DEDD2: variants seen among roughly 807,000 people sequenced by gnomAD.
DEDD2 encodes death effector domain containing 2, also known as DNA-binding death effector domain-containing protein 2.
Under a neutral mutation model 28.9 loss-of-function variants are expected in DEDD2, and 18 were observed. That is an observed-to-expected ratio of 0.62 (90% CI 0.43 to 0.92). The LOEUF (loss-of-function observed/expected upper bound fraction) is 0.92. DEDD2 is among the 40% of genes least tolerant of loss of function. DEDD2 has a pLI of 0.00. For synonymous variants in DEDD2, 211 were observed against 206.1 expected, an observed-to-expected ratio of 1.02 and a Z score of -0.20; for missense variants, 411 against 463.3, an observed-to-expected ratio of 0.89 and a Z score of 1.04.
At chr19:42,205,983 G>A (rs893087612) in intron 4 of DEDD2, among the ~76,000 whole-genome samples, 1 of 152,032 alleles carries the variant, frequency 6.6e-6, no homozygotes, top group Admixed American at 6.6e-5. Context: ...TACTCAGGAG[G>A]CTGAGGTTGG....
chr19:42,217,120 C>A, intron 1 of DEDD2, 75 bp from the exon 2 acceptor site: 2 of 1,188,490 alleles, frequency 1.7e-6, no homozygotes, highest in Non-Finnish European at 2.4e-6. Flanking sequence ...CAGCGCGTCT[C>A]CCCCGCCCAA....
In DEDD2 at chr19:42,215,219, C is replaced by T. The variant is rs1314134947; in HGVS notation, c.362G>A (p.Ser121Asn). The T allele has an allele frequency of 6.2e-7, 1 of 1,614,118 alleles. No individual in the cohort carries two copies. Among genetic ancestry groups the T allele is most frequent in the African/African-American group, 1.3e-5 (1 of 75,012 alleles). ...GCTACCCTCTGTCCTCTTTGAAGAG[C>T]TGGAGGTGCCATAGCTATAGCGTTC... ...SPERYSYGTS[S>N]SSKRTEGSCR... The change falls in exon 3 of 5, where the codon AGC becomes AAC. Residue 121 changes from serine (S) to asparagine (N), a missense_variant. Ser to Asn is a conservative substitution (Grantham distance 46). Around this residue, in one of 2 missense-constraint regions of DEDD2, gnomAD observed 282 missense variants for 273.4 expected, o/e 1.03. Transcript: ENST00000596251.
upstream of DEDD2, among the ~76,000 whole-genome samples, chr19:42,219,561 C>CACTGCACTCCAGTCTGGGCG (rs1448648549): frequency 6.6e-6 from 1 of 152,254 alleles, no homozygotes; most frequent in East Asian, 1.9e-4. Flanking sequence ...AAGATCGTGC[C>CACTGCACTCCAGTCTGGGCG]ACTGCACTCC....
chr19:42,206,638 T>C (rs2035545690), intron 4 of DEDD2, among the ~76,000 whole-genome samples: 1 of 152,146 alleles, frequency 6.6e-6, no homozygotes, highest in Non-Finnish European at 1.5e-5. Flanking sequence ...CCACAGACCC[T>C]GAGAGGCACA....
intron 3 of DEDD2, 99 bp downstream of exon 3, chr19:42,215,034 G>C: frequency 1.3e-6 from 2 of 1,494,130 alleles, no homozygotes; most frequent in Non-Finnish European, 1.8e-6. Context: ...CACACACAGT[G>C]AAAATGAGAC....
chr19:42,204,777 G>GACCAGC (rs1455934008), intron 4 of DEDD2, among the ~76,000 whole-genome samples: 2 of 138,572 alleles, frequency 1.4e-5, no homozygotes, highest in Non-Finnish European at 3.1e-5. Context: ...CCCACACCAG[G>GACCAGC]ACCAGCACCA....
intron 2 of DEDD2, among the ~76,000 whole-genome samples, chr19:42,215,789 G>A (rs568943829): frequency 4.6e-5 from 7 of 152,174 alleles, no homozygotes; most frequent in South Asian, 2.1e-4. Flanking sequence ...TCATGCACAC[G>A]GCTACCGGCA....
intron 1 of DEDD2, 74 bp from the exon 2 acceptor site, chr19:42,217,119 T>C: frequency 8.4e-7 from 1 of 1,192,660 alleles, no homozygotes; most frequent in South Asian, 1.3e-5. Flanking sequence ...CCAGCGCGTC[T>C]CCCCCGCCCA....
In DEDD2 at chr19:42,199,961, C is replaced by G. The variant is rs1266124269; in HGVS notation, c.590-132G>C. On this transcript the variant is annotated intron_variant, in intron 4 of 4. Coordinates refer to ENST00000596251, the MANE Select transcript of DEDD2 (RefSeq NM_133328.4). The surrounding 1 kb of genome is among the most constrained non-coding windows in gnomAD (Gnocchi z 7.4). ...AGCCACACCCTAGTCCTGACACAGC[C>G]TCCCCGGCTCTGTGGGGTTCCCTGA... 8 of 1,363,188 alleles carry G rather than the reference C, an allele frequency of 5.9e-6. No homozygotes were observed. Among genetic ancestry groups the G allele is most frequent in the Non-Finnish European group, 7.8e-6 (8 of 1,022,240 alleles). 84.4% of individuals were successfully genotyped at this position (1,363,188 alleles called of 1,614,324 possible). A position where few individuals can be genotyped will look rare whatever the true frequency, so the allele number is the denominator to read the frequency against.
At chr19:42,206,331 G>A (rs939705730) in intron 4 of DEDD2, among the ~76,000 whole-genome samples, 1 of 151,910 alleles carries the variant, frequency 6.6e-6, no homozygotes, top group Admixed American at 6.6e-5. Flanking sequence ...CTGTGCTCCC[G>A]CTGTCCTCTC....
In DEDD2 at chr19:42,204,753, A is replaced by G. The variant is rs1006285232; in HGVS notation, c.590-4924T>C. Reference sequence around the variant, plus strand: ...CAAGGTGCTTCAGTGGAGAGACCCCACCCCCGCCCCGCCCCCACACCAGGA... The same window carrying G: ...CAAGGTGCTTCAGTGGAGAGACCCCGCCCCCGCCCCGCCCCCACACCAGGA... On this transcript the variant is annotated intron_variant, in intron 4 of 4. Coordinates refer to ENST00000596251, the MANE Select transcript of DEDD2 (RefSeq NM_133328.4). 3.1e-5 allele frequency among the ~76,000 whole-genome samples: 3 copies of G among 96,846 alleles called. No individual in the cohort carries two copies. The East Asian group carries it at 9.0e-4, about 29-fold the overall frequency. The allele number at this position is 96,846 out of a possible 152,430, so 63.5% of individuals were successfully genotyped here.
chr19:42,219,575 C>G (rs969062510), upstream of DEDD2, among the ~76,000 whole-genome samples: 24 of 152,344 alleles, frequency 1.6e-4, no homozygotes, highest in African/African-American at 5.5e-4. Flanking sequence ...GCACTCCAGT[C>G]TGGGCGACAG....
Position 42,216,994 on chromosome 19 carries a change from C to T in DEDD2, c.14G>A (p.Gly5Glu), listed in dbSNP as rs778931873. 5 of 1,588,424 alleles carry T rather than the reference C, an allele frequency of 3.1e-6. No homozygotes were observed. ...CTCCCAGCACGGGGCCGGGGTCGAC[C>T]CGGATAGCGCCATTCCCGGGGGAGG... MALS[G>E]STPAPCWEED... is the part of the protein sequence containing the mutation. Residue 5 changes from glycine to glutamate, a missense_variant, in exon 2 of 5, where the codon GGG becomes GAG. Gly to Glu is a moderately conservative substitution (Grantham distance 98). Transcript: ENST00000596251.
intron 4 of DEDD2, among the ~76,000 whole-genome samples, chr19:42,204,954 C>G (rs532066547): frequency 6.6e-6 from 1 of 152,206 alleles, no homozygotes; most frequent in Non-Finnish European, 1.5e-5. Flanking sequence ...CCTCCAACTC[C>G]AGAGAGGGAT....
chr19:42,214,374 C>T (rs1410588739), intron 3 of DEDD2, among the ~76,000 whole-genome samples: 2 of 151,964 alleles, frequency 1.3e-5, no homozygotes, highest in African/African-American at 2.4e-5. Context: ...AGGAGAATTG[C>T]TTGAATCTGG....
At position 42,215,219 on chromosome 19, in the gene DEDD2, C is replaced by A. The variant is rs1314134947; in HGVS notation, c.362G>T (p.Ser121Ile). The change falls in exon 3 of 5, where the codon AGC becomes ATC. Residue 121 changes from serine (S) to isoleucine (I), a missense_variant. By Grantham distance (142) the Ser-to-Ile change is moderately radical. This residue lies in a region of DEDD2 where 282 missense variants were observed against 273.4 expected (regional missense o/e 1.03). Coordinates refer to ENST00000596251, the MANE Select transcript of DEDD2 (RefSeq NM_133328.4). ...SPERYSYGTS[S>I]SSKRTEGSCR... ...GCTACCCTCTGTCCTCTTTGAAGAGCTGGAGGTGCCATAGCTATAGCGTTC... is the reference window on the plus strand; with the variant it reads ...GCTACCCTCTGTCCTCTTTGAAGAGATGGAGGTGCCATAGCTATAGCGTTC... 6 of 1,614,000 alleles carry A rather than the reference C, an allele frequency of 3.7e-6. No individual in the cohort carries two copies. The highest frequency in any genetic ancestry group is 3.3e-5 in the Admixed American group (2 of 59,992).
intron 3 of DEDD2, among the ~76,000 whole-genome samples, chr19:42,211,373 A>C (rs1372272445): frequency 1.4e-5 from 2 of 145,362 alleles, no homozygotes; most frequent in Non-Finnish European, 3.0e-5. Flanking sequence ...AAACAGAGCT[A>C]GACCCTCAAA....
At chr19:42,219,214 G>A (rs1434317070), upstream of DEDD2, among the ~76,000 whole-genome samples, 1 of 152,124 alleles carries the variant, frequency 6.6e-6, no homozygotes, top group African/African-American at 2.4e-5. Context: ...TGACGCAGGA[G>A]AATCGCTTGA....
intron 3 of DEDD2, chr19:42,212,025 G>A (rs539035420): frequency 1.4e-5 from 2 of 138,966 alleles, no homozygotes; most frequent in Admixed American, 7.2e-5. Flanking sequence ...CAACAAGAGT[G>A]AAACTCTTTC....
Sources: allele counts gnomAD v4.1 joint callset (sites outside exome capture counted in the v4.1 genomes callset), GRCh38; gene constraint gnomAD v4.1.1; regional missense constraint gnomAD v4.1.1; non-coding constraint Gnocchi (gnomAD v3.1); transcripts MANE v1.5; gene names NCBI Gene and HGNC (gene_info 2026-07-23, HGNC 2026-07-21).